Variants in CNGB3 observed in about 807,000 individuals in gnomAD.
CNGB3 encodes cyclic nucleotide gated channel subunit beta 3, also known as cyclic nucleotide-gated channel beta-3.
CNGB3 carries 86 observed loss-of-function variants against 92.8 expected under a neutral mutation model. The ratio of observed to expected loss-of-function variants is 0.93; its 90% CI spans 0.78 to 1.11. CNGB3 has a LOEUF of 1.11. CNGB3 is among the 50% of genes least tolerant of loss of function. The pLI is 0.00. For missense variants in CNGB3, 1,026 were observed against 956.8 expected, an observed-to-expected ratio of 1.07 and a Z score of -0.95; for synonymous variants, 333 against 332.7, an observed-to-expected ratio of 1.00 and a Z score of -0.01.
At chr8:86,651,994 C>T (rs184560750) in intron 7 of CNGB3, among the ~76,000 whole-genome samples, 14 of 151,986 alleles carry the variant, frequency 9.2e-5, no homozygotes, top group Non-Finnish European at 1.2e-4. Context: ...CTACTACACA[C>T]GTAGGTGGTA....
In CNGB3 at chr8:86,575,885, T is replaced by C; in HGVS notation, c.2349A>G (p.Ser783=). Reference sequence around the variant, plus strand: ...CAGAAGGAGCCATGCTGATAATGAGTGATTGACGAGAAGTCCCTCTGGGTA... The same window carrying C: ...CAGAAGGAGCCATGCTGATAATGAGCGATTGACGAGAAGTCCCTCTGGGTA... ...TVLPRGTSRQ[S]LIISMAPSAE... The change falls in exon 18 of 18, where the codon TCA becomes TCG. Residue 783 remains serine, a synonymous_variant. Coordinates refer to ENST00000320005, the MANE Select transcript of CNGB3 (RefSeq NM_019098.5). The C allele has an allele frequency of 6.2e-7, 1 of 1,613,128 alleles. No individual in the cohort carries two copies. Among genetic ancestry groups the C allele is most frequent in the Non-Finnish European group, 8.5e-7 (1 of 1,179,798 alleles).
At chr8:86,593,942 A>T (rs918467076) in intron 15 of CNGB3, 27 of 537,708 alleles carry the variant, frequency 5.0e-5, no homozygotes, top group Non-Finnish European at 7.3e-5. Flanking sequence ...GTGGAATCGG[A>T]TCCTGTAGGA....
At chr8:86,663,610 G>C (rs1213038622) in intron 6 of CNGB3, among the ~76,000 whole-genome samples, 2 of 152,140 alleles carry the variant, frequency 1.3e-5, no homozygotes, top group African/African-American at 4.8e-5. Flanking sequence ...GCAACTGTAA[G>C]TATTTAATAA....
chr8:86,688,158 CGA>C (rs1824225371), intron 3 of CNGB3, among the ~76,000 whole-genome samples: 1 of 151,928 alleles, frequency 6.6e-6, no homozygotes, highest in Non-Finnish European at 1.5e-5. Flanking sequence ...GAGAGGACCA[CGA>C]GAGAGATGTT....
At chr8:86,665,898 T>C (rs897893384) in intron 6 of CNGB3, among the ~76,000 whole-genome samples, 1 of 152,004 alleles carries the variant, frequency 6.6e-6, no homozygotes, top group Non-Finnish European at 1.5e-5. Context: ...AAAATAAAAA[T>C]TGGGGAAAAA....
intron 15 of CNGB3, among the ~76,000 whole-genome samples, chr8:86,593,136 T>A (rs952323946): frequency 1.3e-5 from 2 of 152,186 alleles, no homozygotes; most frequent in Non-Finnish European, 2.9e-5. Flanking sequence ...ATTAGAGAGT[T>A]TAGATATTAC....
At chr8:86,598,962 A>G (rs1277578718) in intron 15 of CNGB3, among the ~76,000 whole-genome samples, 1 of 152,130 alleles carries the variant, frequency 6.6e-6, no homozygotes, top group Non-Finnish European at 1.5e-5. Flanking sequence ...AACCCACTAC[A>G]GGCATCACGT....
intron 3 of CNGB3, among the ~76,000 whole-genome samples, chr8:86,724,320 T>C (rs1324038205): frequency 6.6e-6 from 1 of 152,182 alleles, no homozygotes; most frequent in Non-Finnish European, 1.5e-5. Flanking sequence ...CTTTGCAATA[T>C]GCTACTGATT....
intron 13 of CNGB3, among the ~76,000 whole-genome samples, chr8:86,621,789 G>A (rs1334242618): frequency 6.6e-6 from 1 of 152,150 alleles, no homozygotes; most frequent in Non-Finnish European, 1.5e-5. Flanking sequence ...CTCCAGCCAG[G>A]CGTGGTGGCT....
At chr8:86,710,521 G>T (rs930810069) in intron 3 of CNGB3, among the ~76,000 whole-genome samples, 1 of 152,096 alleles carries the variant, frequency 6.6e-6, no homozygotes, top group African/African-American at 2.4e-5. Flanking sequence ...TCACCATGGG[G>T]AGCTTCCCTT....
chr8:86,676,139 T>C (rs139417345), intron 3 of CNGB3, among the ~76,000 whole-genome samples: 18 of 152,322 alleles, frequency 1.2e-4, no homozygotes, highest in African/African-American at 4.1e-4. Flanking sequence ...ACTGTGTTTG[T>C]TAGGACTCTA....
intron 13 of CNGB3, among the ~76,000 whole-genome samples, chr8:86,623,316 A>G (rs1432110655): frequency 1.3e-5 from 2 of 152,176 alleles, no homozygotes; most frequent in African/African-American, 4.8e-5. Flanking sequence ...TTTTGTGCTG[A>G]TATTAAAAGG....
intron 3 of CNGB3, among the ~76,000 whole-genome samples, chr8:86,699,052 T>C (rs1036171455): frequency 2.0e-5 from 3 of 152,132 alleles, no homozygotes; most frequent in African/African-American, 7.2e-5. Context: ...TTTCAGCAAA[T>C]GAGAGTTTTC....
rs943222735 is a variant in CNGB3, at chr8:86,591,947, C to T, written c.1781+12146G>A. 1.4e-4 allele frequency among the ~76,000 whole-genome samples: 22 copies of T among 151,746 alleles called. 1 individual carries two copies. The highest frequency in any genetic ancestry group is 4.8e-4 in the African/African-American group (20 of 41,244). On this transcript the variant is annotated intron_variant, in intron 15 of 17. Transcript: ENST00000320005. ...GGCGCCCCTCCCCCAGCCTCGCTGC[C>T]ACCTTGCAGTTTGATCTCAGACTGC...
intron 3 of CNGB3, among the ~76,000 whole-genome samples, chr8:86,677,202 G>A (rs972703068): frequency 1.6e-4 from 25 of 152,170 alleles, no homozygotes; most frequent in African/African-American, 4.8e-4. Context: ...CCAGAACTGC[G>A]AGAAAATAAA....
At chr8:86,699,696 A>G (rs562785221) in intron 3 of CNGB3, among the ~76,000 whole-genome samples, 1 of 152,300 alleles carries the variant, frequency 6.6e-6, no homozygotes, top group African/African-American at 2.4e-5. Context: ...GTTAGTTTGG[A>G]TAGAAATTTA....
intron 3 of CNGB3, among the ~76,000 whole-genome samples, chr8:86,671,466 G>C (rs1823860992): frequency 6.6e-6 from 1 of 152,170 alleles, no homozygotes; most frequent in Non-Finnish European, 1.5e-5. Context: ...CATAATCCCA[G>C]GGACAATAAG....
chr8:86,730,265 C>T (rs1425646842), intron 2 of CNGB3, among the ~76,000 whole-genome samples: 5 of 152,204 alleles, frequency 3.3e-5, no homozygotes, highest in African/African-American at 2.4e-5. Flanking sequence ...TAACCTTCCA[C>T]ATTTTATCAG....
intron 2 of CNGB3, among the ~76,000 whole-genome samples, chr8:86,736,208 A>C (rs1347025761): frequency 6.6e-6 from 1 of 152,212 alleles, no homozygotes; most frequent in East Asian, 1.9e-4. Flanking sequence ...TTTGAAGTGA[A>C]CACAAAAATA....
Sources: allele counts gnomAD v4.1 joint callset (sites outside exome capture counted in the v4.1 genomes callset), GRCh38; gene constraint gnomAD v4.1.1; transcripts MANE v1.5; gene names NCBI Gene and HGNC (gene_info 2026-07-23, HGNC 2026-07-21).